KIF13B: variants seen among roughly 807,000 people sequenced by gnomAD.
KIF13B encodes kinesin-like protein KIF13B.
Under a neutral mutation model 222.0 loss-of-function variants are expected in KIF13B, and 127 were observed. That is an observed-to-expected ratio of 0.57 (90% CI 0.50 to 0.66). KIF13B has a LOEUF of 0.66. Among genes scored for constraint, KIF13B ranks in the 30% least tolerant of loss-of-function variants. KIF13B has a pLI of 0.00. For missense variants in KIF13B, 2,173 were observed against 2,379.0 expected (o/e 0.91, Z 1.80); for synonymous variants, 976 against 919.0 (o/e 1.06, Z -1.12).
At chr8:29,223,244 G>A (rs1586948034) in intron 2 of KIF13B, among the ~76,000 whole-genome samples, 1 of 149,540 alleles carries the variant, frequency 6.7e-6, no homozygotes, top group Non-Finnish European at 1.5e-5. Context: ...GCTGAGGCGG[G>A]AGGATTGCTT....
At chr8:29,231,879 T>A (rs531516434) in intron 2 of KIF13B, among the ~76,000 whole-genome samples, 1 of 152,352 alleles carries the variant, frequency 6.6e-6, no homozygotes, top group South Asian at 2.1e-4. Flanking sequence ...CTTCCAAATT[T>A]TTTTTTAAGA....
At chr8:29,188,861 C>T (rs952970082) in intron 4 of KIF13B, among the ~76,000 whole-genome samples, 4 of 152,298 alleles carry the variant, frequency 2.6e-5, no homozygotes, top group Admixed American at 1.3e-4. Flanking sequence ...CAATGCAGAG[C>T]CAATGAGCTG....
chr8:29,156,462 G>GT (rs111331569), intron 13 of KIF13B, among the ~76,000 whole-genome samples: 3 of 151,788 alleles, frequency 2.0e-5, no homozygotes, highest in Non-Finnish European at 2.9e-5. Context: ...CTTTAGTTCC[G>GT]TTTTTTTCCC....
At chr8:29,197,361 A>AAAAAAAAAAAAAAAAT in intron 2 of KIF13B, among the ~76,000 whole-genome samples, 1 of 135,310 alleles carries the variant, frequency 7.4e-6, no homozygotes, top group Non-Finnish European at 1.6e-5. Context: ...AAAAAAAAAA[A>AAAAAAAAAAAAAAAAT]CTCAATATAT....
chr8:29,121,586 C>T (rs1169231368), intron 29 of KIF13B, among the ~76,000 whole-genome samples: 3 of 121,710 alleles, frequency 2.5e-5, no homozygotes, highest in Non-Finnish European at 5.0e-5. Context: ...AACGTTAAAC[C>T]TAAAACCATA....
At chr8:29,123,696 C>G (rs762838808) in intron 27 of KIF13B, among the ~76,000 whole-genome samples, 10 of 152,196 alleles carry the variant, frequency 6.6e-5, no homozygotes, top group Admixed American at 2.6e-4. Context: ...ACAGAGGGAC[C>G]GCACAGGAGT....
intron 26 of KIF13B, among the ~76,000 whole-genome samples, chr8:29,125,863 C>T (rs1306766540): frequency 3.3e-5 from 5 of 152,046 alleles, no homozygotes; most frequent in Non-Finnish European, 5.9e-5. Context: ...AATCCCAACA[C>T]TTTGGGAAGC....
intron 38 of KIF13B, among the ~76,000 whole-genome samples, chr8:29,073,194 G>A (rs959064048): frequency 2.6e-5 from 4 of 151,242 alleles, no homozygotes; most frequent in Admixed American, 6.6e-5. Context: ...CCTGTGGGCC[G>A]TGGCCCTTTC....
chr8:29,245,079 A>C lies in KIF13B; in HGVS notation c.149+267T>G, dbSNP rs1362042604. The stretch of plus-strand genomic sequence containing the variant: ...TCCAGCCAGCTGCACCTCCTTCAAG[A>C]AGCCTTCTTCAATTGCTTCTCAACA... On this transcript the variant is annotated intron_variant, in intron 2 of 39. Coordinates refer to ENST00000524189, the MANE Select transcript of KIF13B (RefSeq NM_015254.4). 2.6e-5 allele frequency among the ~76,000 whole-genome samples: 4 copies of C among 152,206 alleles called. No homozygotes were observed. In the South Asian group the frequency reaches 6.2e-4, roughly 24 times the overall value.
At chr8:29,111,171 T>C (rs1809337302) in intron 32 of KIF13B, among the ~76,000 whole-genome samples, 1 of 152,236 alleles carries the variant, frequency 6.6e-6, no homozygotes, top group African/African-American at 2.4e-5. Flanking sequence ...CCTCATTTCC[T>C]AGATGACAAG....
Position 29,213,862 on chromosome 8 carries a change from GAA to G in KIF13B, c.150-17665_150-17664del, listed in dbSNP as rs576560242. 3.7e-3 allele frequency among the ~76,000 whole-genome samples: 560 copies of G among 152,240 alleles called. 6 individuals are homozygous for G. The highest frequency in any genetic ancestry group is 0.013 in the African/African-American group (535 of 41,520). On this transcript the variant is annotated intron_variant, in intron 2 of 39. Coordinates refer to ENST00000524189, the MANE Select transcript of KIF13B (RefSeq NM_015254.4). ...CCAGGTACTCGGGAGACTGAGGCAG[GAA>G]AACAGTTTGAATGCGGCAGGCGGAG...
chr8:29,201,098 C>T (rs929632625), intron 2 of KIF13B, among the ~76,000 whole-genome samples: 1 of 152,126 alleles, frequency 6.6e-6, no homozygotes, highest in Non-Finnish European at 1.5e-5. Flanking sequence ...ATACTTTCAC[C>T]TGCAAATTTT....
Position 29,129,953 on chromosome 8 carries a change from A to G in KIF13B, c.3075+580T>C, listed in dbSNP as rs560673669. The stretch of plus-strand genomic sequence containing the variant: ...TTATTGAACTTGCTCAGGGATAGAC[A>G]GCCAGGACACTAGAGAGCCAGAATT... On this transcript the variant is annotated intron_variant, in intron 24 of 39. Transcript: ENST00000524189. Among the ~76,000 whole-genome samples the G allele has an allele frequency of 7.9e-5, 12 of 152,380 alleles. No individual in the cohort carries two copies. The East Asian group carries it at 2.3e-3, about 29-fold the overall frequency.
chr8:29,102,352 T>C (rs6651402), intron 35 of KIF13B, among the ~76,000 whole-genome samples: 165 of 152,364 alleles, frequency 1.1e-3, no homozygotes, highest in African/African-American at 3.9e-3. Context: ...GAATCAGCCA[T>C]GATACAGTTA....
At position 29,167,353 on chromosome 8, in the gene KIF13B, C is replaced by T; in HGVS notation, c.1158+20G>A. The stretch of plus-strand genomic sequence containing the variant: ...TTCCTCTTCCTGGACTCACAGGGCG[C>T]ACGCGGTGGTGCCTCCTACCTCTGC... On this transcript the variant is annotated intron_variant, in intron 11 of 39. Transcript: ENST00000524189. The T allele has an allele frequency of 6.3e-7, 1 of 1,594,318 alleles. No individual in the cohort carries two copies. The highest frequency in any genetic ancestry group is 1.3e-5 in the African/African-American group (1 of 74,624).
At chr8:29,107,485 G>A (rs752270966) in intron 35 of KIF13B, among the ~76,000 whole-genome samples, 5 of 151,886 alleles carry the variant, frequency 3.3e-5, no homozygotes, top group South Asian at 4.2e-4. Flanking sequence ...CCGAGATCGC[G>A]TCATTGCACT....
chr8:29,176,693 A>G (rs887673630), intron 9 of KIF13B, among the ~76,000 whole-genome samples: 4 of 152,186 alleles, frequency 2.6e-5, no homozygotes, highest in Non-Finnish European at 5.9e-5. Flanking sequence ...ACTGATAAAC[A>G]AAATATTACT....
chr8:29,141,966 A>G (rs1219169683), intron 19 of KIF13B, among the ~76,000 whole-genome samples, 191 bp downstream of exon 19: 1 of 152,196 alleles, frequency 6.6e-6, no homozygotes. Context: ...AAGAAAAAAG[A>G]AGATACCAGA....
intron 29 of KIF13B, 89 bp downstream of exon 29, chr8:29,122,502 T>C (rs1464348046): frequency 1.4e-5 from 14 of 1,023,070 alleles, no homozygotes; most frequent in Non-Finnish European, 2.1e-5. Flanking sequence ...GGGACAGAAT[T>C]GCCTCACGAT....
Sources: gnomAD v4.1 joint callset for allele counts (sites outside exome capture counted in the v4.1 genomes callset) on GRCh38, gnomAD v4.1.1 for gene constraint, MANE v1.5 for transcripts, NCBI Gene and HGNC (gene_info 2026-07-23, HGNC 2026-07-21) for gene names.